The following IFT140 variants were observed in gnomAD, a reference collection of about 807,000 sequenced individuals.
IFT140 encodes intraflagellar transport 140.
Under a neutral mutation model 164.6 loss-of-function variants are expected in IFT140, and 133 were observed. That is an observed-to-expected ratio of 0.81 (90% CI 0.70 to 0.93). The LOEUF (loss-of-function observed/expected upper bound fraction) is 0.93, where lower values mean the gene tolerates loss of function less well. Ranked by LOEUF, IFT140 falls within the 40% of genes least tolerant of loss-of-function variation. The probability of loss-of-function intolerance (pLI) is 0.00; values close to 1 mark genes in which losing one functional copy is unlikely to be tolerated. For synonymous variants in IFT140, 860 were observed against 817.3 expected (o/e 1.05, Z -0.89); for missense variants, 2,045 against 1,972.3 (o/e 1.04, Z -0.70).
chr16:1,561,875 C>T (rs1351114891), intron 18 of IFT140, 110 bp downstream of exon 18: 7 of 1,151,572 alleles, frequency 6.1e-6, no homozygotes, highest in Non-Finnish European at 8.3e-6. Flanking sequence ...GGAAGCCCGG[C>T]AGAGCCACGA....
chr16:1,606,050 G>C (rs1029356171), intron 3 of IFT140, among the ~76,000 whole-genome samples: 2 of 152,202 alleles, frequency 1.3e-5, no homozygotes, highest in African/African-American at 4.8e-5. Context: ...GGCTTGCTGG[G>C]AACAGCAGGA....
rs1766330052 is a variant in IFT140 at position 1,520,781 on chromosome 16, C to G, written c.3481G>C (p.Gly1161Arg). The change falls in exon 27 of 31, where the codon GGG becomes CGG. Residue 1161 changes from glycine (G) to arginine (R), a missense_variant. Physicochemically the swap from Gly to Arg is moderately radical, Grantham distance 125 (BLOSUM62 -2). Coordinates refer to ENST00000426508, the MANE Select transcript of IFT140 (RefSeq NM_014714.4). ...KYQEALQLCL[G>R]QNMSITEEMA... ...TCCTCGGTGATGCTCATGTTCTGCC[C>G]CAGGCACAGCTGCAGGGCTTCCTGA... 38 of 1,605,956 alleles carry G rather than the reference C, an allele frequency of 2.4e-5. No individual in the cohort carries two copies. Among genetic ancestry groups the G allele is most frequent in the Non-Finnish European group, 3.1e-5 (37 of 1,179,958 alleles).
intron 3 of IFT140, among the ~76,000 whole-genome samples, chr16:1,605,828 C>G (rs1193910571): frequency 6.6e-6 from 1 of 152,102 alleles, no homozygotes; most frequent in East Asian, 1.9e-4. Flanking sequence ...ATGTGGAAGT[C>G]CTATCCCTGG....
At position 1,524,544 on chromosome 16, in the gene IFT140, C is replaced by T. The variant is rs111757299; in HGVS notation, c.3141+8G>A. ...AAGCGCCGGCTCCCCACCCCGGGCC[C>T]GTGGTACCTTGCACAGGCGGATGGC... On this transcript the variant is annotated splice_region_variant and intron_variant, in intron 24 of 30. Transcript: ENST00000426508. The T allele has an allele frequency of 1.1e-5, 18 of 1,610,924 alleles. No individual in the cohort carries two copies. Among genetic ancestry groups the T allele is most frequent in the East Asian group, 6.7e-5 (3 of 44,726 alleles).
intron 4 of IFT140, among the ~76,000 whole-genome samples, chr16:1,599,104 A>C (rs1423736967): frequency 1.6e-5 from 1 of 64,134 alleles, no homozygotes; most frequent in Admixed American, 1.4e-4. Context: ...TGCCCGGCCG[A>C]GACCCCGTCT....
chr16:1,531,399 C>G lies in IFT140; in HGVS notation c.2400-4603G>C, dbSNP rs112061726. 1 of 152,216 alleles carries G rather than the reference C, an allele frequency of 6.6e-6. No homozygotes were observed. The highest frequency in any genetic ancestry group is 1.5e-5 in the Non-Finnish European group (1 of 68,068). The allele number at this position is 152,216 out of a possible 1,614,324, so 9.4% of individuals were successfully genotyped here. A position where few individuals can be genotyped will look rare whatever the true frequency, so the allele number is the denominator to read the frequency against. On this transcript the variant is annotated intron_variant, in intron 19 of 30. Transcript: ENST00000426508. This position sits in a 1 kb window ranked among gnomAD's most constrained non-coding sequence, Gnocchi z 4.7. ...ACAGCGGCTTGACGATCATGCTTGC[C>G]GAGGCCGCCCCCTCCCTCCGTGTCC...
At chr16:1,554,178 C>T in intron 19 of IFT140, 1 of 1,255,664 alleles carries the variant, frequency 8.0e-7, no homozygotes, top group Non-Finnish European at 1.0e-6. Flanking sequence ...GGCCCCATCT[C>T]CGCCCTGCCT....
intron 2 of IFT140, chr16:1,610,233 G>A (rs2036266769): frequency 6.5e-6 from 1 of 154,952 alleles, no homozygotes; most frequent in African/African-American, 2.4e-5. Flanking sequence ...GCATCCAGCG[G>A]ACGGTACTGA....
intron 30 of IFT140, among the ~76,000 whole-genome samples, chr16:1,512,366 C>G (rs968109481): frequency 6.6e-6 from 1 of 152,048 alleles, no homozygotes; most frequent in Non-Finnish European, 1.5e-5. Context: ...GATATAGGAG[C>G]TGTGGCCTGG....
intron 19 of IFT140, among the ~76,000 whole-genome samples, chr16:1,537,381 G>A (rs2031184226): frequency 1.3e-5 from 2 of 152,230 alleles, no homozygotes. Flanking sequence ...ATCATCCAGC[G>A]CTCGTCACTC....
rs545189910 is a variant in IFT140, at chr16:1,575,184, A to T, written c.1525-3650T>A. ...CAAGACCAGCCTGGGCAACATAGTG[A>T]GACCCCATGTCTACAAAAATATAAT... is the stretch of plus-strand genomic sequence containing the variant. On this transcript the variant is annotated intron_variant, in intron 13 of 30. Transcript: ENST00000426508. Among the ~76,000 whole-genome samples, 7 of 151,580 alleles carry T rather than the reference A, an allele frequency of 4.6e-5. No homozygotes were observed. In the East Asian group the frequency reaches 1.4e-3, roughly 30 times the overall value.
chr16:1,566,225 C>T lies in IFT140; in HGVS notation c.1837G>A (p.Asp613Asn), dbSNP rs200208525. 1.2e-6 allele frequency: 2 copies of T among 1,613,776 alleles called. No individual in the cohort carries two copies. Among genetic ancestry groups the T allele is most frequent in the East Asian group, 4.5e-5 (2 of 44,876 alleles). Residue 613 changes from aspartate to asparagine, a missense_variant, in exon 16 of 31, where the codon GAC becomes AAC. Physicochemically the swap from Asp to Asn is conservative, Grantham distance 23. Transcript: ENST00000426508. ...DVEMDTVTVF[D>N]FKTGQIDRRE... ...CGATCAATTTGTCCAGTCTTGAAGTCAAAGACGGTCACTGTGTCCATTTCA... is the reference window on the plus strand; with the variant it reads ...CGATCAATTTGTCCAGTCTTGAAGTTAAAGACGGTCACTGTGTCCATTTCA...
intron 19 of IFT140, chr16:1,534,250 G>C: frequency 6.2e-7 from 1 of 1,607,066 alleles, no homozygotes; most frequent in Non-Finnish European, 8.5e-7. Flanking sequence ...GCTTTCTCCG[G>C]ATAAGCGGCG....
chr16:1,541,092 C>T, intron 19 of IFT140: 1 of 985,456 alleles, frequency 1.0e-6, no homozygotes, highest in Non-Finnish European at 1.2e-6. Context: ...CTGAAGTTCA[C>T]TCACAGAAGG....
At chr16:1,522,239 C>T (rs896545692) in intron 26 of IFT140, among the ~76,000 whole-genome samples, 1 of 152,028 alleles carries the variant, frequency 6.6e-6, no homozygotes, top group Non-Finnish European at 1.5e-5. Context: ...CGCCTGTAGT[C>T]CCAGCTACTC....
At position 1,607,203 on chromosome 16, in the gene IFT140, T is replaced by G; in HGVS notation, c.64A>C (p.Ser22Arg). The change falls in exon 3 of 31, where the codon AGC (serine) becomes CGC (arginine). Residue 22 changes from serine (S) to arginine (R), a missense_variant. Coordinates refer to ENST00000426508, the MANE Select transcript of IFT140 (RefSeq NM_014714.4). ...PDAAGSPSFISWHPVHPFLAV... is the reference protein window; with the variant it reads ...PDAAGSPSFIRWHPVHPFLAV... ...AAGAATGGATGGACAGGGTGCCAGC[T>G]GATAAATGAGGGTGACCCTGCTGCA... 1 of 1,614,154 alleles carries G rather than the reference T, an allele frequency of 6.2e-7. No homozygotes were observed. Among genetic ancestry groups the G allele is most frequent in the Non-Finnish European group, 8.5e-7 (1 of 1,180,030 alleles).
chr16:1,534,590 G>T, intron 19 of IFT140: 1 of 1,596,424 alleles, frequency 6.3e-7, no homozygotes, highest in South Asian at 1.1e-5. Flanking sequence ...CCTTCAGCGT[G>T]GCCGAGGCTC....
intron 13 of IFT140, chr16:1,578,458 C>T (rs917582254): frequency 1.4e-4 from 22 of 152,106 alleles, no homozygotes; most frequent in African/African-American, 5.1e-4. Flanking sequence ...GAATGGTGCC[C>T]CTCCCAAAGA....
intron 6 of IFT140, among the ~76,000 whole-genome samples, chr16:1,590,688 G>A (rs1380257850): frequency 6.6e-6 from 1 of 152,134 alleles, no homozygotes; most frequent in African/African-American, 2.4e-5. Context: ...CTGCTCTGTG[G>A]AGACTCCTCT....
Sources: allele counts gnomAD v4.1 joint callset (sites outside exome capture counted in the v4.1 genomes callset), GRCh38; gene constraint gnomAD v4.1.1; non-coding constraint Gnocchi (gnomAD v3.1); transcripts MANE v1.5; gene names NCBI Gene and HGNC (gene_info 2026-07-23, HGNC 2026-07-21).